Variants in GRM5 observed in about 807,000 individuals in gnomAD.
The protein encoded by GRM5 is glutamate metabotropic receptor 5, also known as metabotropic glutamate receptor 5.
A neutral mutation model predicts 83.1 loss-of-function variants in GRM5; 19 were observed. The observed-to-expected ratio is 0.23, with a 90% CI of 0.16 to 0.34. The LOEUF (loss-of-function observed/expected upper bound fraction) is 0.34. Among genes scored for constraint, GRM5 ranks in the 10% least tolerant of loss-of-function variants. GRM5 has a pLI of 1.00. For synonymous variants in GRM5, 675 were observed against 633.6 expected, an observed-to-expected ratio of 1.07 and a Z score of -0.98; for missense variants, 1,160 against 1,588.3, an observed-to-expected ratio of 0.73 and a Z score of 4.58.
chr11:89,052,671 C>G (rs1171417191), intron 1 of GRM5, among the ~76,000 whole-genome samples: 2 of 152,026 alleles, frequency 1.3e-5, no homozygotes, highest in Admixed American at 1.3e-4. Flanking sequence ...TGCTTAGGAC[C>G]AAAATTCAGA....
chr11:89,040,228 G>A (rs1357142944), intron 2 of GRM5, among the ~76,000 whole-genome samples: 3 of 151,870 alleles, frequency 2.0e-5, no homozygotes, highest in South Asian at 4.2e-4. Flanking sequence ...CTTACTTTTA[G>A]CACAGTTAGT....
At chr11:88,623,305 A>AT (rs58109219) in intron 4 of GRM5, among the ~76,000 whole-genome samples, 5,376 of 151,560 alleles carry the variant, frequency 0.035, 305 homozygotes, top group African/African-American at 0.12. Flanking sequence ...AATTTTTTGT[A>AT]TTTTTTGTAT....
intron 3 of GRM5, among the ~76,000 whole-genome samples, chr11:88,822,380 G>T (rs1023892371): frequency 3.3e-5 from 5 of 152,148 alleles, no homozygotes; most frequent in East Asian, 1.9e-4. Context: ...ATTTTAAGAT[G>T]CAGGATAATA....
intron 2 of GRM5, among the ~76,000 whole-genome samples, chr11:89,040,879 TCTTG>T (rs1464619841): frequency 6.6e-6 from 1 of 152,210 alleles, no homozygotes; most frequent in African/African-American, 2.4e-5. Context: ...GGATCTCTAT[TCTTG>T]CTTTCTCTTA....
At chr11:88,859,274 G>A (rs1462833016) in intron 2 of GRM5, among the ~76,000 whole-genome samples, 1 of 152,018 alleles carries the variant, frequency 6.6e-6, no homozygotes, top group African/African-American at 2.4e-5. Flanking sequence ...GTGGTGATTA[G>A]AAGAGAATCT....
intron 3 of GRM5, among the ~76,000 whole-genome samples, chr11:88,703,245 C>G (rs1172864821): frequency 6.6e-6 from 1 of 152,080 alleles, no homozygotes; most frequent in Non-Finnish European, 1.5e-5. Flanking sequence ...TAATCAAGAT[C>G]ACTAAGACAA....
chr11:88,867,871 TTTG>T (rs756359181), intron 2 of GRM5, among the ~76,000 whole-genome samples: 6 of 151,850 alleles, frequency 4.0e-5, no homozygotes, highest in Non-Finnish European at 7.4e-5. Flanking sequence ...AGTCTATTGG[TTTG>T]TTGTTATAGT....
At chr11:88,583,012 C>A (rs578035511) in intron 7 of GRM5, among the ~76,000 whole-genome samples, 6 of 151,360 alleles carry the variant, frequency 4.0e-5, no homozygotes, top group Admixed American at 6.6e-5. Flanking sequence ...ATAATCTCAA[C>A]CTTAAAGGAT....
intron 3 of GRM5, among the ~76,000 whole-genome samples, chr11:88,756,274 T>C (rs377078766): frequency 6.6e-6 from 1 of 152,188 alleles, no homozygotes; most frequent in Admixed American, 6.5e-5. Context: ...ATTTCAATAC[T>C]CAAATTTACA....
chr11:88,854,949 T>A (rs1018079341), intron 2 of GRM5, among the ~76,000 whole-genome samples: 8 of 151,928 alleles, frequency 5.3e-5, no homozygotes, highest in Non-Finnish European at 1.0e-4. Context: ...CATTAACAAC[T>A]GTGTTACATT....
chr11:88,712,696 C>T (rs78286092), intron 3 of GRM5, among the ~76,000 whole-genome samples: 3,712 of 151,988 alleles, frequency 0.024, 147 homozygotes, highest in African/African-American at 0.085. Context: ...TCAGGAGACA[C>T]GGGCCATGTC....
intron 3 of GRM5, among the ~76,000 whole-genome samples, chr11:88,846,786 A>G (rs1407297059): frequency 6.6e-6 from 1 of 152,214 alleles, no homozygotes; most frequent in Non-Finnish European, 1.5e-5. Flanking sequence ...ATCTGTAAAC[A>G]AAATAACACT....
At chr11:88,978,290 T>C (rs994892444) in intron 2 of GRM5, among the ~76,000 whole-genome samples, 1 of 151,920 alleles carries the variant, frequency 6.6e-6, no homozygotes, top group Non-Finnish European at 1.5e-5. Context: ...GATGGATATA[T>C]TTATGGCATT....
At chr11:88,796,455 T>C (rs1047122029) in intron 3 of GRM5, among the ~76,000 whole-genome samples, 2 of 152,218 alleles carry the variant, frequency 1.3e-5, no homozygotes, top group African/African-American at 4.8e-5. Context: ...ACAAAAGACA[T>C]AATTTAAAAT....
intron 2 of GRM5, among the ~76,000 whole-genome samples, chr11:88,912,678 T>A (rs1945519293): frequency 6.6e-6 from 1 of 152,222 alleles, no homozygotes; most frequent in Non-Finnish European, 1.5e-5. Flanking sequence ...TCCAACATCC[T>A]TGTTAATGTT....
chr11:88,950,864 G>A (rs1938437128), intron 2 of GRM5, among the ~76,000 whole-genome samples: 1 of 152,178 alleles, frequency 6.6e-6, no homozygotes, highest in African/African-American at 2.4e-5. Flanking sequence ...CTAATTCACA[G>A]GTTTGTCGTT....
chr11:88,724,574 C>T (rs1941630015), intron 3 of GRM5, among the ~76,000 whole-genome samples: 1 of 152,114 alleles, frequency 6.6e-6, no homozygotes, highest in Non-Finnish European at 1.5e-5. Context: ...TAAGTACTTA[C>T]TTACTGCATG....
intron 3 of GRM5, among the ~76,000 whole-genome samples, chr11:88,680,046 G>GT (rs1309600423): frequency 2.0e-5 from 3 of 152,064 alleles, no homozygotes; most frequent in Middle Eastern, 3.2e-3. Context: ...ATCTATGGGG[G>GT]TTAATTCTGT....
At chr11:89,043,573 A>ATT (rs369706887) in intron 2 of GRM5, among the ~76,000 whole-genome samples, 15,853 of 139,930 alleles carry the variant, frequency 0.11, 952 homozygotes, top group African/African-American at 0.2. Flanking sequence ...AATGCATGTT[A>ATT]TTTTTTTTTT....
Sources: gnomAD v4.1 joint callset for allele counts (sites outside exome capture counted in the v4.1 genomes callset) on GRCh38, gnomAD v4.1.1 for gene constraint, MANE v1.5 for transcripts, NCBI Gene and HGNC (gene_info 2026-07-23, HGNC 2026-07-21) for gene names.